ARHGAP15: variants seen among roughly 807,000 people sequenced by gnomAD.
ARHGAP15 encodes Rho GTPase activating protein 15.
Under a neutral mutation model 63.7 loss-of-function variants are expected in ARHGAP15, and 51 were observed. The observed-to-expected ratio is 0.80, with a 90% CI of 0.64 to 1.01. The LOEUF is 1.01. ARHGAP15 is among the 50% of genes least tolerant of loss of function. The pLI is 0.00. For synonymous variants in ARHGAP15, 191 were observed against 193.8 expected, an observed-to-expected ratio of 0.99 and a Z score of 0.12; for missense variants, 560 against 564.6, an observed-to-expected ratio of 0.99 and a Z score of 0.08.
chr2:143,360,621 A>T (rs1244493619), intron 6 of ARHGAP15, among the ~76,000 whole-genome samples: 2 of 152,194 alleles, frequency 1.3e-5, no homozygotes, highest in Admixed American at 1.3e-4. Flanking sequence ...CCTCTGACCA[A>T]CTAAGAAATA....
At chr2:143,706,258 ATTGT>A (rs1396051832) in intron 13 of ARHGAP15, among the ~76,000 whole-genome samples, 1 of 152,204 alleles carries the variant, frequency 6.6e-6, no homozygotes, top group African/African-American at 2.4e-5. Context: ...AAATAAGAAG[ATTGT>A]TTAACAGGAA....
rs575266383 is a variant in ARHGAP15 at position 143,577,755 on chromosome 2, T to C, written c.1003+21270T>C. Among the ~76,000 whole-genome samples the C allele has an allele frequency of 4.6e-5, 7 of 152,224 alleles. No individual in the cohort carries two copies. In the East Asian group the frequency reaches 1.4e-3, roughly 29 times the overall value. On this transcript the variant is annotated intron_variant, in intron 11 of 13. Transcript: ENST00000295095. Reference sequence around the variant, plus strand: ...TGGCTAAGGAAATAGAATGGGCTGATTGGCTTAGAACAAGGTAACAAGCCC... The same window carrying C: ...TGGCTAAGGAAATAGAATGGGCTGACTGGCTTAGAACAAGGTAACAAGCCC...
intron 1 of ARHGAP15, among the ~76,000 whole-genome samples, chr2:143,137,552 T>C (rs1304297962): frequency 6.6e-6 from 1 of 152,090 alleles, no homozygotes; most frequent in Non-Finnish European, 1.5e-5. Flanking sequence ...TCTGTATCCA[T>C]TATATGCTTC....
intron 13 of ARHGAP15, among the ~76,000 whole-genome samples, chr2:143,722,875 A>G (rs1685124717): frequency 6.6e-6 from 1 of 152,150 alleles, no homozygotes; most frequent in Admixed American, 6.5e-5. Flanking sequence ...GCTGGCAGAA[A>G]CTTTTCTTGG....
At chr2:143,262,061 A>G (rs576363460) in intron 6 of ARHGAP15, among the ~76,000 whole-genome samples, 1 of 152,276 alleles carries the variant, frequency 6.6e-6, no homozygotes, top group East Asian at 1.9e-4. Flanking sequence ...CTGTAGAACC[A>G]GGAAATATCC....
intron 2 of ARHGAP15, among the ~76,000 whole-genome samples, chr2:143,156,328 A>G (rs1690077297): frequency 6.6e-6 from 1 of 151,894 alleles, no homozygotes; most frequent in Non-Finnish European, 1.5e-5. Flanking sequence ...ATTTTCTTCC[A>G]TAATGGTGGT....
intron 13 of ARHGAP15, among the ~76,000 whole-genome samples, chr2:143,726,889 G>A (rs1685304926): frequency 6.6e-6 from 1 of 152,162 alleles, no homozygotes; most frequent in African/African-American, 2.4e-5. Flanking sequence ...CATTGATAAA[G>A]GGCCTTAACT....
intron 4 of ARHGAP15, among the ~76,000 whole-genome samples, chr2:143,222,412 ACT>A (rs1558823331): frequency 6.6e-6 from 1 of 152,158 alleles, no homozygotes; most frequent in African/African-American, 2.4e-5. Context: ...TTGGTTTGCC[ACT>A]CTGTCATTAC....
intron 6 of ARHGAP15, among the ~76,000 whole-genome samples, chr2:143,290,180 G>C (rs886273103): frequency 6.6e-6 from 1 of 152,064 alleles, no homozygotes; most frequent in Non-Finnish European, 1.5e-5. Flanking sequence ...AGCTATTTAC[G>C]ATCAGGAGAA....
At chr2:143,200,497 A>G (rs533858516) in intron 2 of ARHGAP15, among the ~76,000 whole-genome samples, 2 of 152,048 alleles carry the variant, frequency 1.3e-5, no homozygotes, top group East Asian at 3.9e-4. Context: ...TCCTAGACAT[A>G]GTACTCAGGT....
At chr2:143,227,378 A>G (rs908397933) in intron 4 of ARHGAP15, among the ~76,000 whole-genome samples, 3 of 152,180 alleles carry the variant, frequency 2.0e-5, no homozygotes, top group Non-Finnish European at 4.4e-5. Flanking sequence ...TATTCTGTCC[A>G]AGGCACCATG....
At chr2:143,740,042 C>A (rs1000237785) in intron 13 of ARHGAP15, among the ~76,000 whole-genome samples, 7 of 152,034 alleles carry the variant, frequency 4.6e-5, no homozygotes, top group Non-Finnish European at 7.4e-5. Context: ...GAATTTGGTT[C>A]TCTTTTTTTC....
chr2:143,422,387 A>T (rs1350100090), intron 6 of ARHGAP15, among the ~76,000 whole-genome samples: 2 of 152,242 alleles, frequency 1.3e-5, no homozygotes, highest in African/African-American at 2.4e-5. Context: ...AAAACAAGTT[A>T]ATGGCAATGG....
At chr2:143,685,962 G>A (rs187457765) in intron 12 of ARHGAP15, among the ~76,000 whole-genome samples, 6 of 152,070 alleles carry the variant, frequency 3.9e-5, no homozygotes, top group Admixed American at 2.0e-4. Context: ...AAAAAATTAT[G>A]TTAGCTGGAA....
chr2:143,357,061 TC>T lies in ARHGAP15; in HGVS notation c.475-78539del, dbSNP rs1685842002. 2.0e-5 allele frequency among the ~76,000 whole-genome samples: 3 copies of T among 152,234 alleles called. No individual in the cohort carries two copies. The South Asian group carries it at 6.2e-4, about 31-fold the overall frequency. The stretch of plus-strand genomic sequence containing the variant: ...TTAAAGATTTATGTTGCACTTTTTT[TC>T]ATCACCACACCTGAATATGGATTAC... On this transcript the variant is annotated intron_variant, in intron 6 of 13. Transcript: ENST00000295095.
intron 6 of ARHGAP15, among the ~76,000 whole-genome samples, chr2:143,383,976 A>T (rs1298445929): frequency 1.3e-5 from 2 of 152,124 alleles, no homozygotes; most frequent in Non-Finnish European, 2.9e-5. Flanking sequence ...AGTCACCTGC[A>T]TGATCTTCTG....
chr2:143,466,867 T>C (rs1345239914), intron 8 of ARHGAP15, among the ~76,000 whole-genome samples: 1 of 152,120 alleles, frequency 6.6e-6, no homozygotes, highest in Non-Finnish European at 1.5e-5. Context: ...TTGTTGCATC[T>C]CCTGATTCAG....
intron 8 of ARHGAP15, among the ~76,000 whole-genome samples, chr2:143,468,276 C>T (rs1180810230): frequency 1.3e-5 from 2 of 151,546 alleles, no homozygotes; most frequent in Non-Finnish European, 2.9e-5. Flanking sequence ...TGTTTGTAGT[C>T]AACTTTTTTT....
intron 6 of ARHGAP15, among the ~76,000 whole-genome samples, chr2:143,310,172 A>AT (rs1389980281): frequency 6.6e-6 from 1 of 151,946 alleles, no homozygotes; most frequent in African/African-American, 2.4e-5. Flanking sequence ...GTCTGATGTT[A>AT]TTTTTTTGTT....
Sources: allele counts gnomAD v4.1 joint callset (sites outside exome capture counted in the v4.1 genomes callset), GRCh38; gene constraint gnomAD v4.1.1; transcripts MANE v1.5; gene names NCBI Gene and HGNC (gene_info 2026-07-23, HGNC 2026-07-21).